Variants in CAMTA1 observed in about 807,000 individuals in gnomAD.
CAMTA1 encodes the protein calmodulin-binding transcription activator 1.
Under a neutral mutation model 170.9 loss-of-function variants are expected in CAMTA1, and 27 were observed. That is an observed-to-expected ratio of 0.16 (90% CI 0.12 to 0.22). CAMTA1 has a LOEUF of 0.22. Among genes scored for constraint, CAMTA1 ranks in the 10% least tolerant of loss-of-function variants. CAMTA1 has a pLI of 1.00. For missense variants in CAMTA1, 1,619 were observed against 2,217.2 expected, an observed-to-expected ratio of 0.73 and a Z score of 5.42; for synonymous variants, 833 against 891.5, an observed-to-expected ratio of 0.93 and a Z score of 1.17.
chr1:7,238,626 A>G lies in CAMTA1; in HGVS notation c.303-10865A>G, dbSNP rs537070769. On this transcript the variant is annotated intron_variant, in intron 4 of 22. Transcript: ENST00000303635. ...GGGCCAGGTGTGGTGGTTCATGCCT[A>G]TAATCCCAGCACTTTGGGAGGCCAA... 2.6e-5 allele frequency among the ~76,000 whole-genome samples: 4 copies of G among 152,334 alleles called. No homozygotes were observed. In the East Asian group the frequency reaches 5.8e-4, roughly 22 times the overall value.
intron 5 of CAMTA1, among the ~76,000 whole-genome samples, chr1:7,368,411 T>A (rs1311276436): frequency 6.6e-6 from 1 of 151,806 alleles, no homozygotes; most frequent in African/African-American, 2.4e-5. Flanking sequence ...ATGCTTTCAT[T>A]GGGCGCAGGC....
At chr1:6,825,355 C>G in intron 3 of CAMTA1, 145 bp downstream of exon 3, 1 of 549,412 alleles carries the variant, frequency 1.8e-6, no homozygotes, top group Non-Finnish European at 3.3e-6. Context: ...CTGGATTTGA[C>G]AGAAACCAAC....
chr1:7,433,798 C>T (rs988018955), intron 5 of CAMTA1, among the ~76,000 whole-genome samples: 6 of 152,094 alleles, frequency 3.9e-5, no homozygotes, highest in Non-Finnish European at 7.4e-5. Flanking sequence ...AGGAAGGGCC[C>T]TTGTGATGGA....
At chr1:7,240,737 C>G (rs1664716881) in intron 4 of CAMTA1, among the ~76,000 whole-genome samples, 1 of 152,084 alleles carries the variant, frequency 6.6e-6, no homozygotes, top group African/African-American at 2.4e-5. Flanking sequence ...AACTCATGAG[C>G]TCAAGCAATC....
intron 19 of CAMTA1, chr1:7,749,896 G>A (rs2096883714): frequency 2.3e-6 from 1 of 430,588 alleles, no homozygotes; most frequent in African/African-American, 2.0e-5. Flanking sequence ...CAGTCATGGA[G>A]TAAACATATC....
Position 7,664,476 on chromosome 1 carries a change from G to A in CAMTA1, c.1929G>A (p.Val643=). 6.2e-7 allele frequency: 1 copy of A among 1,613,352 alleles called. No homozygotes were observed. Among genetic ancestry groups the A allele is most frequent in the Non-Finnish European group, 8.5e-7 (1 of 1,180,048 alleles). Residue 643 remains valine (V), a synonymous_variant, in exon 9 of 23, where the codon GTG becomes GTA. Transcript: ENST00000303635. The stretch of plus-strand genomic sequence containing the variant: ...TGAGTGACTCTGGGGGCACCTTCGT[G>A]ATGCCCACGGTGAAAACGGAGGCCT... ...SSLSDSGGTF[V]MPTVKTEASS... is the part of the protein sequence containing the mutation.
At chr1:7,108,626 C>A (rs1393369795) in intron 4 of CAMTA1, among the ~76,000 whole-genome samples, 1 of 152,136 alleles carries the variant, frequency 6.6e-6, no homozygotes, top group Non-Finnish European at 1.5e-5. Context: ...GAAAGAAGAG[C>A]ATTTTAAATA....
chr1:7,649,155 G>A (rs1375340865), intron 7 of CAMTA1, among the ~76,000 whole-genome samples: 1 of 152,220 alleles, frequency 6.6e-6, no homozygotes, highest in Non-Finnish European at 1.5e-5. Context: ...TCCTTGTTTT[G>A]CAGCTGAGGT....
chr1:6,842,988 CATTA>C (rs1656503293), intron 3 of CAMTA1, among the ~76,000 whole-genome samples: 1 of 151,618 alleles, frequency 6.6e-6, no homozygotes, highest in Non-Finnish European at 1.5e-5. Context: ...GGCAAGTGGT[CATTA>C]TTAAATGTAC....
Position 7,449,785 on chromosome 1 carries a change from A to G in CAMTA1, c.439-18045A>G, listed in dbSNP as rs564392401. Among the ~76,000 whole-genome samples the G allele has an allele frequency of 6.4e-4, 97 of 150,758 alleles. 1 individual carries two copies. Among genetic ancestry groups the G allele is most frequent in the Admixed American group, 1.5e-3 (22 of 15,058 alleles). On this transcript the variant is annotated intron_variant, in intron 5 of 22. Transcript: ENST00000303635. ...ACTCGGTCTCAAAAAAAAAAAAAAA[A>G]AAAGAAAGAAAGAAAAAAGAAAAGA... is the stretch of plus-strand genomic sequence containing the variant.
chr1:7,680,973 C>A lies in CAMTA1; in HGVS notation c.2914+3240C>A, dbSNP rs1454891342. Reference sequence around the variant, plus strand: ...GCAGCCCCGCCCTGCGGAGGGCGATCGTCCCCACGTTGGGGCCGGGGGGCA... The same window carrying A: ...GCAGCCCCGCCCTGCGGAGGGCGATAGTCCCCACGTTGGGGCCGGGGGGCA... On this transcript the variant is annotated intron_variant, in intron 11 of 22. Coordinates refer to ENST00000303635, the MANE Select transcript of CAMTA1 (RefSeq NM_015215.4). This position sits in a 1 kb window ranked among gnomAD's most constrained non-coding sequence, Gnocchi z 4.4. 6.6e-6 allele frequency among the ~76,000 whole-genome samples: 1 copy of A among 151,622 alleles called. No individual in the cohort carries two copies. Among genetic ancestry groups the A allele is most frequent in the Non-Finnish European group, 1.5e-5 (1 of 67,854 alleles).
chr1:7,389,669 G>A (rs896514167), intron 5 of CAMTA1: 2 of 152,532 alleles, frequency 1.3e-5, no homozygotes, highest in Non-Finnish European at 2.9e-5. Context: ...TGTAGGGTGT[G>A]GGGGTAGAAA....
At chr1:7,020,584 A>G (rs775780718) in intron 3 of CAMTA1, among the ~76,000 whole-genome samples, 3 of 152,214 alleles carry the variant, frequency 2.0e-5, no homozygotes, top group Non-Finnish European at 4.4e-5. Flanking sequence ...TAAATTGACA[A>G]ATGATTTCTG....
chr1:7,205,904 T>TA (rs1657649947), intron 4 of CAMTA1, among the ~76,000 whole-genome samples: 2 of 152,344 alleles, frequency 1.3e-5, no homozygotes, highest in Non-Finnish European at 1.5e-5. Flanking sequence ...TGGTAGGAGA[T>TA]ACTGGACTTA....
chr1:7,640,812 G>A (rs1313964317), intron 7 of CAMTA1, among the ~76,000 whole-genome samples: 1 of 152,220 alleles, frequency 6.6e-6, no homozygotes, highest in Non-Finnish European at 1.5e-5. Flanking sequence ...CACAGAGCAT[G>A]TAGAGGAAGA....
intron 1 of CAMTA1, among the ~76,000 whole-genome samples, chr1:6,789,313 A>G (rs1243890456): frequency 6.6e-6 from 1 of 152,166 alleles, no homozygotes; most frequent in Non-Finnish European, 1.5e-5. Flanking sequence ...TCCCCCAGAA[A>G]TAGCCTATTC....
chr1:7,435,335 GC>G lies in CAMTA1; in HGVS notation c.439-32493del, dbSNP rs1462272454. 6.6e-6 allele frequency among the ~76,000 whole-genome samples: 1 copy of G among 152,138 alleles called. No homozygotes were observed. The highest frequency in any genetic ancestry group is 1.5e-5 in the Non-Finnish European group (1 of 68,030). On this transcript the variant is annotated intron_variant, in intron 5 of 22. Transcript: ENST00000303635. This position sits in a 1 kb window ranked among gnomAD's most constrained non-coding sequence, Gnocchi z 4.4. ...CTCACTGTCTCAGGCATGAACTCAG[GC>G]CAGAATCCCATCATTCTAAAGCCCA...
At chr1:7,283,552 T>C (rs1671814648) in intron 5 of CAMTA1, among the ~76,000 whole-genome samples, 1 of 152,194 alleles carries the variant, frequency 6.6e-6, no homozygotes, top group Non-Finnish European at 1.5e-5. Flanking sequence ...ACTTGACGTC[T>C]CCCCTTAGAC....
At chr1:7,407,109 G>A (rs771888311) in intron 5 of CAMTA1, among the ~76,000 whole-genome samples, 3 of 152,198 alleles carry the variant, frequency 2.0e-5, no homozygotes, top group Non-Finnish European at 2.9e-5. Flanking sequence ...GAAGGCAGGC[G>A]GCCAAGCAGG....
Sources: gnomAD v4.1 joint callset for allele counts (sites outside exome capture counted in the v4.1 genomes callset) on GRCh38, gnomAD v4.1.1 for gene constraint, Gnocchi (gnomAD v3.1) non-coding constraint, MANE v1.5 for transcripts, NCBI Gene and HGNC (gene_info 2026-07-23, HGNC 2026-07-21) for gene names.